The following TSGA10 variants were observed in gnomAD, a reference collection of about 807,000 sequenced individuals.
TSGA10 encodes the protein testis specific 10.
Under a neutral mutation model 96.6 loss-of-function variants are expected in TSGA10, and 43 were observed. The ratio of observed to expected loss-of-function variants is 0.44; its 90% CI spans 0.35 to 0.57. TSGA10 has a LOEUF of 0.57. Ranked by LOEUF, TSGA10 falls within the 20% of genes least tolerant of loss-of-function variation. TSGA10 has a pLI of 0.01. For missense variants in TSGA10, 703 were observed against 834.4 expected (o/e 0.84, Z 1.94); for synonymous variants, 229 against 269.9 (o/e 0.85, Z 1.48).
intron 10 of TSGA10, among the ~76,000 whole-genome samples, chr2:99,100,063 G>A (rs944440267): frequency 6.6e-6 from 1 of 152,072 alleles, no homozygotes; most frequent in African/African-American, 2.4e-5. Context: ...TGCTTATGGT[G>A]GCCCAGAAGA....
intron 1 of TSGA10, among the ~76,000 whole-genome samples, chr2:99,128,275 G>T (rs1028703823): frequency 1.3e-5 from 2 of 152,072 alleles, no homozygotes; most frequent in Admixed American, 1.3e-4. Context: ...CTTCTTCATT[G>T]CAACAGTTAC....
chr2:99,003,645 G>C (rs990444456), intron 20 of TSGA10, among the ~76,000 whole-genome samples: 1 of 152,204 alleles, frequency 6.6e-6, no homozygotes, highest in Non-Finnish European at 1.5e-5. Context: ...TCAGGATTAA[G>C]AAACTGACTC....
intron 16 of TSGA10, among the ~76,000 whole-genome samples, chr2:99,061,447 C>A (rs1405017755): frequency 6.6e-6 from 1 of 152,176 alleles, no homozygotes; most frequent in East Asian, 1.9e-4. Flanking sequence ...GTTTCCATCT[C>A]CTCCAGCATT....
At chr2:99,078,568 T>A (rs2087032958) in intron 12 of TSGA10, 91 bp downstream of exon 12, 1 of 1,292,212 alleles carries the variant, frequency 7.7e-7, no homozygotes. Context: ...AATTCAAATA[T>A]TTTATTCAGA....
intron 10 of TSGA10, among the ~76,000 whole-genome samples, chr2:99,098,300 G>C (rs942571037): frequency 1.3e-5 from 2 of 151,260 alleles, no homozygotes; most frequent in African/African-American, 4.9e-5. Flanking sequence ...TTAGCCAGGC[G>C]TGGTGGCGGG....
chr2:99,101,018 C>T (rs533880249), intron 10 of TSGA10, among the ~76,000 whole-genome samples: 4 of 147,796 alleles, frequency 2.7e-5, no homozygotes, highest in Non-Finnish European at 6.0e-5. Flanking sequence ...AATCCCAGCA[C>T]TTTGGAAGGC....
chr2:99,083,984 A>G (rs755730280), intron 10 of TSGA10, among the ~76,000 whole-genome samples: 4 of 152,218 alleles, frequency 2.6e-5, no homozygotes, highest in Non-Finnish European at 4.4e-5. Flanking sequence ...ATATTGTACT[A>G]TAGTGATATA....
Position 99,136,659 on chromosome 2 carries a change from C to T in TSGA10, c.-620-9483G>A, listed in dbSNP as rs2093338059. ...AAAAATACAAAAAAAATTAGCCGGG[C>T]GTAGTGGCGGGCGCCTGTAGTCCCA... On this transcript the variant is annotated intron_variant, in intron 1 of 20. Transcript: ENST00000393483. Among the ~76,000 whole-genome samples, 4 of 70,528 alleles carry T rather than the reference C, an allele frequency of 5.7e-5. 1 individual carries two copies. Among genetic ancestry groups the T allele is most frequent in the Admixed American group, 3.1e-4 (2 of 6,422 alleles). 46.3% of individuals were successfully genotyped at this position (70,528 alleles called of 152,430 possible). A position where few individuals can be genotyped will look rare whatever the true frequency, so the allele number is the denominator to read the frequency against.
At chr2:99,096,871 G>A (rs1451988527) in intron 10 of TSGA10, among the ~76,000 whole-genome samples, 6 of 152,302 alleles carry the variant, frequency 3.9e-5, no homozygotes, top group East Asian at 1.9e-4. Flanking sequence ...CTAGCAGTAA[G>A]TTTGTACTTC....
intron 20 of TSGA10, among the ~76,000 whole-genome samples, chr2:99,001,574 TCTC>T (rs1205621807): frequency 6.6e-6 from 1 of 152,012 alleles, no homozygotes; most frequent in African/African-American, 2.4e-5. Flanking sequence ...GAGTGTCTCT[TCTC>T]CTCCAAAGGA....
At position 99,033,730 on chromosome 2, in the gene TSGA10, C is replaced by G. The variant is rs139001906; in HGVS notation, c.1614+1500G>C. 5.9e-3 allele frequency among the ~76,000 whole-genome samples: 890 copies of G among 152,096 alleles called. 10 individuals are homozygous for G. The highest frequency in any genetic ancestry group is 0.021 in the African/African-American group (853 of 41,472). The stretch of plus-strand genomic sequence containing the variant: ...TGGTGGGCACCTGTAATCCCAGCTA[C>G]TTGGGAGGCTGAGGCAGGAGAATTG... On this transcript the variant is annotated intron_variant, in intron 17 of 20. Transcript: ENST00000393483.
intron 1 of TSGA10, among the ~76,000 whole-genome samples, chr2:99,143,133 C>T (rs962455404): frequency 3.7e-5 from 3 of 82,154 alleles, no homozygotes; most frequent in Non-Finnish European, 6.9e-5. Context: ...CCAACTAAAC[C>T]TTTTTTTTTT....
intron 10 of TSGA10, among the ~76,000 whole-genome samples, chr2:99,097,939 T>C (rs979727137): frequency 1.3e-5 from 2 of 151,726 alleles, no homozygotes; most frequent in African/African-American, 4.8e-5. Flanking sequence ...GAAATATGAG[T>C]AGAGATAAAG....
intron 1 of TSGA10, among the ~76,000 whole-genome samples, chr2:99,139,022 G>A (rs1173665903): frequency 1.3e-5 from 2 of 152,188 alleles, no homozygotes; most frequent in African/African-American, 4.8e-5. Context: ...CACTTTGGGA[G>A]GCCAAGGCCA....
intron 16 of TSGA10, among the ~76,000 whole-genome samples, chr2:99,062,150 AT>A (rs2084766049): frequency 6.6e-6 from 1 of 152,228 alleles, no homozygotes; most frequent in Non-Finnish European, 1.5e-5. Flanking sequence ...TATAGTAAGG[AT>A]TTATAAGACT....
intron 20 of TSGA10, among the ~76,000 whole-genome samples, chr2:99,000,421 AATC>A (rs1035119973): frequency 6.6e-6 from 1 of 151,760 alleles, no homozygotes; most frequent in Admixed American, 6.6e-5. Flanking sequence ...GAGGCAGGAG[AATC>A]ACTTGAACCT....
intron 20 of TSGA10, among the ~76,000 whole-genome samples, chr2:99,011,291 C>G (rs2104875881): frequency 6.6e-6 from 1 of 152,286 alleles, no homozygotes; most frequent in Middle Eastern, 3.4e-3. Context: ...TGCCACCCAC[C>G]TGGCTAATTT....
chr2:99,142,399 C>T (rs2093576714), intron 1 of TSGA10: 2 of 152,138 alleles, frequency 1.3e-5, no homozygotes, highest in African/African-American at 4.8e-5. Context: ...CTGTTTTCGC[C>T]AGGTGAGTAC....
intron 16 of TSGA10, among the ~76,000 whole-genome samples, chr2:99,040,079 C>T (rs2082043447): frequency 6.6e-6 from 1 of 152,030 alleles, no homozygotes; most frequent in Non-Finnish European, 1.5e-5. Context: ...ATTCCTTTAT[C>T]ATTAAAACCC....
Sources: gnomAD v4.1 joint callset for allele counts (sites outside exome capture counted in the v4.1 genomes callset) on GRCh38, gnomAD v4.1.1 for gene constraint, MANE v1.5 for transcripts, NCBI Gene and HGNC (gene_info 2026-07-23, HGNC 2026-07-21) for gene names.